SEMA3D: variants seen among roughly 807,000 people sequenced by gnomAD.
The protein encoded by SEMA3D is semaphorin-3D.
SEMA3D carries 84 observed loss-of-function variants against 100.1 expected under a neutral mutation model. That is an observed-to-expected ratio of 0.84 (90% CI 0.70 to 1.01). SEMA3D has a LOEUF of 1.01. Among genes scored for constraint, SEMA3D ranks in the 50% least tolerant of loss-of-function variants. The pLI is 0.00. For missense variants in SEMA3D, 875 were observed against 934.1 expected (o/e 0.94, Z 0.82); for synonymous variants, 312 against 320.7 (o/e 0.97, Z 0.29).
intron 5 of SEMA3D, among the ~76,000 whole-genome samples, chr7:85,079,623 G>GT (rs1787997947): frequency 6.6e-6 from 1 of 152,206 alleles, no homozygotes; most frequent in African/African-American, 2.4e-5. Context: ...ACATACCCAA[G>GT]TGAGAGCACT....
At chr7:85,055,392 A>G (rs1791279188) in intron 9 of SEMA3D, among the ~76,000 whole-genome samples, 1 of 151,944 alleles carries the variant, frequency 6.6e-6, no homozygotes, top group Non-Finnish European at 1.5e-5. Context: ...CTTCAATAAA[A>G]GAAATAAGCT....
the SEMA3D span, among the ~76,000 whole-genome samples, chr7:85,206,578 A>G: frequency 2.0e-5 from 3 of 152,180 alleles, no homozygotes; most frequent in Non-Finnish European, 4.4e-5. Context: ...TGAGAAGCAC[A>G]TGAAGAACTT....
At chr7:85,083,482 T>C (rs1249006718) in intron 4 of SEMA3D, among the ~76,000 whole-genome samples, 1 of 152,204 alleles carries the variant, frequency 6.6e-6, no homozygotes, top group East Asian at 1.9e-4. Flanking sequence ...TGTTTGTTTG[T>C]TATTTTTGTT....
chr7:85,195,499 C>T, the SEMA3D span, among the ~76,000 whole-genome samples: 4 of 152,158 alleles, frequency 2.6e-5, no homozygotes, highest in East Asian at 5.8e-4. Flanking sequence ...CAGGCTAGAG[C>T]TAGAGTGCAG....
At chr7:85,103,824 G>T (rs1349438881) in intron 3 of SEMA3D, among the ~76,000 whole-genome samples, 2 of 151,880 alleles carry the variant, frequency 1.3e-5, no homozygotes, top group African/African-American at 4.8e-5. Flanking sequence ...CTTAAATATA[G>T]AAATCATTGC....
intron 3 of SEMA3D, among the ~76,000 whole-genome samples, chr7:85,114,688 T>C (rs1053608296): frequency 6.6e-6 from 1 of 152,136 alleles, no homozygotes; most frequent in Non-Finnish European, 1.5e-5. Context: ...TTGAAACGAA[T>C]ACTGAATATA....
intron 3 of SEMA3D, among the ~76,000 whole-genome samples, chr7:85,099,388 G>A (rs1321982613): frequency 6.6e-6 from 1 of 151,934 alleles, no homozygotes; most frequent in Non-Finnish European, 1.5e-5. Flanking sequence ...ATGTAAGACA[G>A]GACTTTTGCC....
rs893969038 is a variant in SEMA3D, at chr7:85,128,604, A to G, written c.-40-6673T>C. On this transcript the variant is annotated intron_variant, in intron 2 of 18. Coordinates refer to ENST00000284136, the MANE Select transcript of SEMA3D (RefSeq NM_001384900.1). ...AAATTTTAATTTATTCCTTTCTGAA[A>G]TTCACATTCAGTTATTCATTCAGCT... 2.6e-5 allele frequency among the ~76,000 whole-genome samples: 4 copies of G among 152,124 alleles called. No individual in the cohort carries two copies. The East Asian group carries it at 7.7e-4, about 29-fold the overall frequency.
chr7:85,189,020 C>T (rs139766624), upstream of SEMA3D, among the ~76,000 whole-genome samples: 8 of 152,264 alleles, frequency 5.3e-5, no homozygotes, highest in East Asian at 1.5e-3. Context: ...TTGAGATGCT[C>T]AGACTTCAAA....
chr7:85,078,098 C>T (rs537670070), intron 5 of SEMA3D, among the ~76,000 whole-genome samples: 1 of 152,194 alleles, frequency 6.6e-6, no homozygotes, highest in South Asian at 2.1e-4. Flanking sequence ...TGATTTCATA[C>T]TGAAAATTAG....
intron 2 of SEMA3D, among the ~76,000 whole-genome samples, chr7:85,153,021 A>G (rs1471652269): frequency 6.6e-6 from 1 of 152,110 alleles, no homozygotes; most frequent in Non-Finnish European, 1.5e-5. Flanking sequence ...GCAATGTTAT[A>G]ATGTATATTC....
At chr7:85,207,650 T>C in the SEMA3D span, among the ~76,000 whole-genome samples, 1 of 152,134 alleles carries the variant, frequency 6.6e-6, no homozygotes, top group East Asian at 1.9e-4. Context: ...TATATCTAGA[T>C]TGACGGATTG....
At chr7:85,156,382 G>A (rs943359406) in intron 1 of SEMA3D, among the ~76,000 whole-genome samples, 7 of 152,084 alleles carry the variant, frequency 4.6e-5, no homozygotes, top group Admixed American at 2.0e-4. Context: ...TTACAGGCGT[G>A]AGCCACCACA....
At chr7:85,062,035 AG>A (rs1170161044) in intron 8 of SEMA3D, among the ~76,000 whole-genome samples, 5 of 152,164 alleles carry the variant, frequency 3.3e-5, no homozygotes, top group African/African-American at 1.2e-4. Flanking sequence ...TGCAAAGAGC[AG>A]GGGACATGCC....
intron 12 of SEMA3D, among the ~76,000 whole-genome samples, chr7:85,032,441 C>T (rs536156815): frequency 6.6e-6 from 1 of 152,068 alleles, no homozygotes; most frequent in African/African-American, 2.4e-5. Flanking sequence ...CCTATCTATG[C>T]ATGATTTCAG....
intron 9 of SEMA3D, chr7:85,050,411 A>G (rs537135088): frequency 5.0e-6 from 1 of 198,674 alleles, no homozygotes; most frequent in South Asian, 1.9e-4. Flanking sequence ...AAGGTTAAAC[A>G]ATTTATTGGA....
At chr7:85,013,296 C>T (rs1790008219) in intron 16 of SEMA3D, among the ~76,000 whole-genome samples, 1 of 151,736 alleles carries the variant, frequency 6.6e-6, no homozygotes, top group East Asian at 2.0e-4. Flanking sequence ...TGTAAAGATT[C>T]ATTATTGCAT....
chr7:85,121,168 G>A (rs966994852), intron 3 of SEMA3D, among the ~76,000 whole-genome samples: 2 of 152,150 alleles, frequency 1.3e-5, no homozygotes, highest in Admixed American at 6.5e-5. Flanking sequence ...ACTGGACACA[G>A]ACACACACAA....
At chr7:85,000,102 A>G (rs1009305040) in intron 18 of SEMA3D, among the ~76,000 whole-genome samples, 1 of 152,214 alleles carries the variant, frequency 6.6e-6, no homozygotes, top group Admixed American at 6.5e-5. Flanking sequence ...AGTAAGTCTA[A>G]CTGAACCTTT....
Sources: gnomAD v4.1 joint callset for allele counts (sites outside exome capture counted in the v4.1 genomes callset) on GRCh38, gnomAD v4.1.1 for gene constraint, MANE v1.5 for transcripts, NCBI Gene and HGNC (gene_info 2026-07-23, HGNC 2026-07-21) for gene names.